ANKRD34C: variants seen among roughly 807,000 people sequenced by gnomAD.
ANKRD34C encodes the protein ankyrin repeat domain 34C.
For missense variants in ANKRD34C, 563 were observed against 653.0 expected (o/e 0.86, Z 1.50); for synonymous variants, 260 against 253.6 (o/e 1.03, Z -0.24).
At position 79,293,955 on chromosome 15, in the gene ANKRD34C, AG is replaced by A; in HGVS notation, c.673del (p.Ala225LeufsTer23). The part of the protein sequence containing the change: ...AGHPSSCNTS[K>X]AVNEPGSPTR... ...CATCCAAGCAGTTGTAACACCTCCAAGGCTGTTAATGAGCCTGGGTCACCCA... is the reference window on the plus strand; with the variant it reads ...CATCCAAGCAGTTGTAACACCTCCAAGCTGTTAATGAGCCTGGGTCACCCA... On this transcript the variant is annotated frameshift_variant, in exon 2 of 2. Transcript: ENST00000421388. LOFTEE classifies it low-confidence loss of function (END_TRUNC). The A allele has an allele frequency of 6.4e-7, 1 of 1,551,706 alleles. No individual in the cohort carries two copies. Among genetic ancestry groups the A allele is most frequent in the South Asian group, 1.2e-5 (1 of 84,052 alleles).
At chr15:79,290,116 C>A (rs2058655458) in intron 1 of ANKRD34C, among the ~76,000 whole-genome samples, 1 of 151,076 alleles carries the variant, frequency 6.6e-6, no homozygotes, top group African/African-American at 2.4e-5. Flanking sequence ...CCTTGAACTC[C>A]TGGGCTCAAG....
At chr15:79,289,329 C>A (rs2058653697) in intron 1 of ANKRD34C, among the ~76,000 whole-genome samples, 1 of 152,132 alleles carries the variant, frequency 6.6e-6, no homozygotes, top group Non-Finnish European at 1.5e-5. Flanking sequence ...AAAGAACTGA[C>A]CACACAGAAT....
chr15:79,291,599 C>CAGAG (rs1274672421), intron 1 of ANKRD34C, among the ~76,000 whole-genome samples: 13 of 104,156 alleles, frequency 1.2e-4, no homozygotes, highest in East Asian at 1.1e-3. Flanking sequence ...CACACACACA[C>CAGAG]ACAGAGAGAG....
chr15:79,289,013 G>A (rs1306409203), intron 1 of ANKRD34C, among the ~76,000 whole-genome samples: 3 of 151,878 alleles, frequency 2.0e-5, no homozygotes, highest in Admixed American at 1.3e-4. Flanking sequence ...TAGAGATGGG[G>A]TTTCACCATG....
chr15:79,284,777 G>C (rs1322497990), intron 1 of ANKRD34C, among the ~76,000 whole-genome samples: 2 of 152,082 alleles, frequency 1.3e-5, no homozygotes, highest in Non-Finnish European at 2.9e-5. Flanking sequence ...TACTTGTTTG[G>C]CAAAATGATG....
chr15:79,288,086 T>A (rs1306716546), intron 1 of ANKRD34C, among the ~76,000 whole-genome samples: 1 of 152,232 alleles, frequency 6.6e-6, no homozygotes, highest in Non-Finnish European at 1.5e-5. Flanking sequence ...TAAATGACCA[T>A]GGGCAAGCCA....
intron 1 of ANKRD34C, among the ~76,000 whole-genome samples, chr15:79,288,771 A>G (rs2058652085): frequency 6.6e-6 from 1 of 151,030 alleles, no homozygotes; most frequent in African/African-American, 2.4e-5. Flanking sequence ...GGCTATTGTC[A>G]ACTGCGACCA....
chr15:79,297,221 G>A lies in ANKRD34C; in HGVS notation c.*2329G>A, dbSNP rs1019042119. 5 of 166,888 alleles carry A rather than the reference G, an allele frequency of 3.0e-5. No homozygotes were observed. The highest frequency in any genetic ancestry group is 4.8e-5 in the African/African-American group (2 of 41,414). 10.3% of individuals were successfully genotyped at this position (166,888 alleles called of 1,614,324 possible). ...CAATGCATTCAAGAGAGAATCATAC[G>A]GACAACCATCATTCTCAGCAGCTCA... is the stretch of plus-strand genomic sequence containing the variant. On this transcript the variant is annotated 3_prime_UTR_variant, in exon 2 of 2. Coordinates refer to ENST00000421388, the MANE Select transcript of ANKRD34C (RefSeq NM_001146341.2).
intron 1 of ANKRD34C, among the ~76,000 whole-genome samples, chr15:79,286,801 G>T (rs1355962708): frequency 2.0e-5 from 3 of 152,084 alleles, no homozygotes; most frequent in Admixed American, 2.0e-4. Flanking sequence ...TGTCCACACA[G>T]CAAACATCAA....
chr15:79,284,305 G>C (rs902261679), intron 1 of ANKRD34C, among the ~76,000 whole-genome samples: 1 of 152,240 alleles, frequency 6.6e-6, no homozygotes, highest in Admixed American at 6.5e-5. Flanking sequence ...GCGTGAAATA[G>C]CTCTGAACTT....
At chr15:79,292,002 A>G (rs537398573) in intron 1 of ANKRD34C, among the ~76,000 whole-genome samples, 71 of 152,350 alleles carry the variant, frequency 4.7e-4, no homozygotes, top group Middle Eastern at 6.8e-3. Context: ...ATATATAGCC[A>G]TTTCTCAATT....
intron 1 of ANKRD34C, among the ~76,000 whole-genome samples, chr15:79,284,238 G>T (rs180701064): frequency 1.4e-4 from 22 of 152,302 alleles, no homozygotes; most frequent in African/African-American, 5.1e-4. Flanking sequence ...GTATGGCTGC[G>T]CTCTTAAACG....
chr15:79,284,615 C>T (rs759060727), intron 1 of ANKRD34C, among the ~76,000 whole-genome samples: 3 of 152,096 alleles, frequency 2.0e-5, no homozygotes, highest in African/African-American at 4.8e-5. Flanking sequence ...GGGCACAGAG[C>T]GGGGCTCAGT....
intron 1 of ANKRD34C, among the ~76,000 whole-genome samples, chr15:79,287,679 A>T (rs1055445746): frequency 1.2e-4 from 19 of 152,228 alleles, no homozygotes; most frequent in Admixed American, 3.9e-4. Context: ...AAACATGCTG[A>T]CTTATTGGAA....
chr15:79,294,394 A>T lies in ANKRD34C; in HGVS notation c.1110A>T (p.Ala370=). 1 of 1,551,578 alleles carries T rather than the reference A, an allele frequency of 6.4e-7. No individual in the cohort carries two copies. The highest frequency in any genetic ancestry group is 8.7e-7 in the Non-Finnish European group (1 of 1,146,954). ...GACCCTCTGCTCTCAAAGAGCCTGC[A>T]TCCCTCAAATGGCTGGAAAATGACC... ...PSGPSALKEP[A]SLKWLENDLY... Residue 370 remains alanine, a synonymous_variant, in exon 2 of 2, where the codon GCA becomes GCT. Transcript: ENST00000421388.
chr15:79,287,125 C>T (rs1026820015), intron 1 of ANKRD34C, among the ~76,000 whole-genome samples: 19 of 152,278 alleles, frequency 1.2e-4, no homozygotes, highest in Admixed American at 1.1e-3. Context: ...TATTTGTCTT[C>T]CATTCTGGGA....
At position 79,291,601 on chromosome 15, in the gene ANKRD34C, C is replaced by CACAGAG. The variant is rs1429207880; in HGVS notation, c.-44-1639_-44-1638insCAGAGA. Among the ~76,000 whole-genome samples, 15 of 83,996 alleles carry CACAGAG rather than the reference C, an allele frequency of 1.8e-4. No individual in the cohort carries two copies. The East Asian group carries it at 6.0e-3, about 33-fold the overall frequency. 55.1% of individuals were successfully genotyped at this position (83,996 alleles called of 152,430 possible). Reference sequence around the variant, plus strand: ...ACACACACACACACACACACACACACAGAGAGAGAGAGAGAGAGAGAGAGA... The same window carrying CACAGAG: ...ACACACACACACACACACACACACACACAGAGAGAGAGAGAGAGAGAGAGAGAGAGA... On this transcript the variant is annotated intron_variant, in intron 1 of 1. Coordinates refer to ENST00000421388, the MANE Select transcript of ANKRD34C (RefSeq NM_001146341.2).
chr15:79,290,009 C>T (rs2058655221), intron 1 of ANKRD34C, among the ~76,000 whole-genome samples: 1 of 151,882 alleles, frequency 6.6e-6, no homozygotes, highest in Admixed American at 6.6e-5. Flanking sequence ...TTTTCTTTAT[C>T]TATTTCCTTC....
At chr15:79,290,543 C>G (rs2058656564) in intron 1 of ANKRD34C, among the ~76,000 whole-genome samples, 1 of 152,132 alleles carries the variant, frequency 6.6e-6, no homozygotes, top group Non-Finnish European at 1.5e-5. Flanking sequence ...GATTGTCTCA[C>G]TCACATTGTT....
Sources: allele counts gnomAD v4.1 joint callset (sites outside exome capture counted in the v4.1 genomes callset), GRCh38; gene constraint gnomAD v4.1.1; transcripts MANE v1.5; gene names NCBI Gene and HGNC (gene_info 2026-07-23, HGNC 2026-07-21).